Variants in RIT2 observed in about 807,000 individuals in gnomAD.
RIT2 encodes the protein GTP-binding protein Rit2.
In RIT2, 24 loss-of-function variants were observed where a neutral mutation model predicts 23.7. That is an observed-to-expected ratio of 1.01 (90% CI 0.73 to 1.43). The LOEUF (loss-of-function observed/expected upper bound fraction) is 1.43, where lower values mean the gene tolerates loss of function less well. Ranked by LOEUF, RIT2 falls within the 40% of genes most tolerant of loss-of-function variation. RIT2 has a pLI of 0.00. For synonymous variants in RIT2, 107 were observed against 91.1 expected, an observed-to-expected ratio of 1.17 and a Z score of -0.99; for missense variants, 236 against 266.9, an observed-to-expected ratio of 0.88 and a Z score of 0.81.
intron 2 of RIT2, among the ~76,000 whole-genome samples, chr18:43,009,743 G>A (rs1006836620): frequency 2.6e-5 from 4 of 151,594 alleles, no homozygotes; most frequent in South Asian, 2.1e-4. Context: ...CAATTAAAGC[G>A]TGACATTGAC....
intron 4 of RIT2, among the ~76,000 whole-genome samples, chr18:42,823,061 G>A (rs921815905): frequency 2.0e-5 from 3 of 152,072 alleles, no homozygotes; most frequent in African/African-American, 7.2e-5. Flanking sequence ...CAGCACTGGG[G>A]GGCAAGAAAG....
intron 3 of RIT2, among the ~76,000 whole-genome samples, chr18:42,933,533 C>T (rs933873034): frequency 1.3e-5 from 2 of 152,000 alleles, no homozygotes; most frequent in Non-Finnish European, 2.9e-5. Flanking sequence ...ATGCTGTTCT[C>T]ATGATAATGA....
At chr18:42,927,257 TA>T (rs932462853) in intron 3 of RIT2, among the ~76,000 whole-genome samples, 3 of 151,752 alleles carry the variant, frequency 2.0e-5, no homozygotes, top group African/African-American at 7.3e-5. Context: ...TTTCCACCAA[TA>T]AAACAGATGT....
chr18:42,856,647 G>C (rs1164787361), intron 4 of RIT2, among the ~76,000 whole-genome samples: 1 of 152,056 alleles, frequency 6.6e-6, no homozygotes, highest in Non-Finnish European at 1.5e-5. Context: ...ACTGGATTCT[G>C]CCTTCAATTC....
At chr18:42,760,972 A>T (rs1362461279) in intron 4 of RIT2, among the ~76,000 whole-genome samples, 1 of 152,174 alleles carries the variant, frequency 6.6e-6, no homozygotes, top group Non-Finnish European at 1.5e-5. Context: ...AGAGTGGTGG[A>T]TTCTTCCTTT....
At chr18:42,981,225 AC>A (rs1261983352) in intron 2 of RIT2, among the ~76,000 whole-genome samples, 2 of 152,106 alleles carry the variant, frequency 1.3e-5, no homozygotes, top group Admixed American at 1.3e-4. Flanking sequence ...CCTCAAAAAT[AC>A]CCTTGAAAAA....
chr18:42,814,933 T>C (rs1368774865), intron 4 of RIT2, among the ~76,000 whole-genome samples: 1 of 152,154 alleles, frequency 6.6e-6, no homozygotes, highest in Non-Finnish European at 1.5e-5. Flanking sequence ...ATGATTACTA[T>C]GGCTCAGCTC....
chr18:42,995,594 G>A (rs1910962378), intron 2 of RIT2, among the ~76,000 whole-genome samples: 1 of 151,356 alleles, frequency 6.6e-6, no homozygotes, highest in Non-Finnish European at 1.5e-5. Flanking sequence ...ATCCCTTACA[G>A]TCCTCAGTCT....
chr18:43,070,736 C>T (rs1044082800), intron 1 of RIT2, among the ~76,000 whole-genome samples: 4 of 152,176 alleles, frequency 2.6e-5, no homozygotes, highest in Non-Finnish European at 5.9e-5. Context: ...ATATATTCAG[C>T]TGAAAATTAC....
chr18:42,998,947 T>C (rs1911046492), intron 2 of RIT2, among the ~76,000 whole-genome samples: 1 of 152,086 alleles, frequency 6.6e-6, no homozygotes, highest in Non-Finnish European at 1.5e-5. Flanking sequence ...AGGGAATTTG[T>C]TGTTGGGAAG....
At chr18:42,957,140 A>G (rs1909991043) in intron 3 of RIT2, among the ~76,000 whole-genome samples, 1 of 152,146 alleles carries the variant, frequency 6.6e-6, no homozygotes, top group Non-Finnish European at 1.5e-5. Flanking sequence ...TTAAAACACA[A>G]ATGTATATTC....
intron 2 of RIT2, among the ~76,000 whole-genome samples, chr18:43,012,638 A>G (rs1911376571): frequency 6.6e-6 from 1 of 151,544 alleles, no homozygotes; most frequent in African/African-American, 2.4e-5. Flanking sequence ...GTATCTAAAT[A>G]TATGTATTAT....
intron 4 of RIT2, among the ~76,000 whole-genome samples, chr18:42,776,821 G>A (rs1374473118): frequency 2.6e-5 from 4 of 152,110 alleles, no homozygotes; most frequent in Non-Finnish European, 4.4e-5. Context: ...TCAGTGTAAT[G>A]AGAAGCAATG....
intron 4 of RIT2, among the ~76,000 whole-genome samples, chr18:42,837,655 C>G (rs547880866): frequency 2.0e-3 from 304 of 152,156 alleles, no homozygotes; most frequent in African/African-American, 6.7e-3. Context: ...ATAAGAGAAG[C>G]AAAACTACAT....
At chr18:43,081,001 G>A (rs1913145296) in intron 1 of RIT2, among the ~76,000 whole-genome samples, 1 of 152,182 alleles carries the variant, frequency 6.6e-6, no homozygotes, top group Non-Finnish European at 1.5e-5. Context: ...GGCCAGCCTA[G>A]TCTAAATGAA....
intron 4 of RIT2, among the ~76,000 whole-genome samples, chr18:42,758,742 C>A (rs1913228113): frequency 6.7e-6 from 1 of 148,496 alleles, no homozygotes; most frequent in Admixed American, 6.8e-5. Context: ...CTAGGCTGGT[C>A]TCAATCTCCT....
chr18:42,928,172 T>A (rs1055542989), intron 3 of RIT2, among the ~76,000 whole-genome samples: 12 of 152,004 alleles, frequency 7.9e-5, no homozygotes, highest in Non-Finnish European at 1.6e-4. Context: ...AATTAATAAG[T>A]CCGTCAGTCA....
At chr18:43,107,248 T>G (rs568743127) in intron 1 of RIT2, among the ~76,000 whole-genome samples, 2 of 152,098 alleles carry the variant, frequency 1.3e-5, no homozygotes, top group Admixed American at 6.5e-5. Flanking sequence ...GTATGGTAGG[T>G]CATTTTATCT....
At chr18:43,106,793 T>C (rs1432433460) in intron 1 of RIT2, among the ~76,000 whole-genome samples, 1 of 152,092 alleles carries the variant, frequency 6.6e-6, no homozygotes, top group Non-Finnish European at 1.5e-5. Context: ...TGAAGTAGAA[T>C]TATAGTAGGC....
Sources: gnomAD v4.1 joint callset for allele counts (sites outside exome capture counted in the v4.1 genomes callset) on GRCh38, gnomAD v4.1.1 for gene constraint, MANE v1.5 for transcripts, NCBI Gene and HGNC (gene_info 2026-07-23, HGNC 2026-07-21) for gene names.